FLVCR1: variants seen among roughly 807,000 people sequenced by gnomAD.
FLVCR1 encodes the protein FLVCR choline and heme transporter 1.
In FLVCR1, 34 loss-of-function variants were observed where a neutral mutation model predicts 53.6. The ratio of observed to expected loss-of-function variants is 0.63; its 90% CI spans 0.48 to 0.84. The LOEUF is 0.84. Among genes scored for constraint, FLVCR1 ranks in the 40% least tolerant of loss-of-function variants. The pLI is 0.00. For synonymous variants in FLVCR1, 300 were observed against 286.3 expected (o/e 1.05, Z -0.48); for missense variants, 677 against 696.7 (o/e 0.97, Z 0.32).
At chr1:212,895,103 A>C in intron 9 of FLVCR1, 50 bp downstream of exon 9, 4 of 1,375,812 alleles carry the variant, frequency 2.9e-6, no homozygotes, top group Non-Finnish European at 4.2e-6. Flanking sequence ...TATAGAATAA[A>C]TGTGAAACCA....
chr1:212,894,921 T>G, intron 8 of FLVCR1, 65 bp from the exon 9 acceptor site: 4 of 1,049,194 alleles, frequency 3.8e-6, no homozygotes, highest in Non-Finnish European at 6.0e-6. Flanking sequence ...AGAAAGACTT[T>G]GAGCTGCTTT....
intron 8 of FLVCR1, among the ~76,000 whole-genome samples, chr1:212,893,069 G>GA (rs972502129): frequency 6.8e-6 from 1 of 147,636 alleles, no homozygotes; most frequent in Non-Finnish European, 1.5e-5. Flanking sequence ...TTTTTTTGGG[G>GA]GGGGGTGCCG....
At chr1:212,891,007 T>TA (rs1274938611) in intron 8 of FLVCR1, among the ~76,000 whole-genome samples, 1 of 152,176 alleles carries the variant, frequency 6.6e-6, no homozygotes, top group Non-Finnish European at 1.5e-5. Context: ...AAATAAAACA[T>TA]ACAAAACTGT....
At position 212,866,988 on chromosome 1, in the gene FLVCR1, A is replaced by C. The variant is rs79875065; in HGVS notation, c.883+3119A>C. Reference sequence around the variant, plus strand: ...TGAGCAAACTTTGGATTACTTAAAAAAATCCATACCAAATAAAGTTCCTTA... The same window carrying C: ...TGAGCAAACTTTGGATTACTTAAAACAATCCATACCAAATAAAGTTCCTTA... On this transcript the variant is annotated intron_variant, in intron 2 of 9. Transcript: ENST00000366971. 2.4e-4 allele frequency among the ~76,000 whole-genome samples: 37 copies of C among 152,380 alleles called. 1 individual carries two copies. The East Asian group carries it at 7.1e-3, about 29-fold the overall frequency.
intron 6 of FLVCR1, 21 bp from the exon 7 acceptor site, chr1:212,888,468 A>G (rs1558120585): frequency 1.3e-6 from 2 of 1,542,222 alleles, no homozygotes; most frequent in Admixed American, 1.7e-5. Context: ...TCTTTCTGTA[A>G]TTCTGGATTT....
intron 8 of FLVCR1, among the ~76,000 whole-genome samples, chr1:212,891,968 A>G (rs1665205170): frequency 6.6e-6 from 1 of 152,254 alleles, no homozygotes; most frequent in Non-Finnish European, 1.5e-5. Flanking sequence ...ACCAGCCACA[A>G]CATCGCCGTA....
At chr1:212,868,311 G>A (rs77889714) in intron 2 of FLVCR1, among the ~76,000 whole-genome samples, 5,250 of 152,294 alleles carry the variant, frequency 0.034, 114 homozygotes, top group South Asian at 0.077. Flanking sequence ...TGCCCAGGCT[G>A]TTCCCAGCTT....
chr1:212,878,517 G>A, intron 3 of FLVCR1, among the ~76,000 whole-genome samples: 1 of 127,516 alleles, frequency 7.8e-6, no homozygotes, highest in South Asian at 2.8e-4. Context: ...CTGGGCGACA[G>A]AGTGAGTCTC....
chr1:212,888,695 G>GT, intron 7 of FLVCR1, 101 bp downstream of exon 7: 3 of 905,218 alleles, frequency 3.3e-6, no homozygotes, highest in South Asian at 1.4e-5. Flanking sequence ...TTGTTGTTTT[G>GT]TTTTTTGGAG....
intron 8 of FLVCR1, among the ~76,000 whole-genome samples, chr1:212,891,854 G>A (rs1279253947): frequency 6.6e-6 from 1 of 152,144 alleles, no homozygotes; most frequent in East Asian, 1.9e-4. Flanking sequence ...CTAATGCAAA[G>A]GAAAAATTCT....
Position 212,858,750 on chromosome 1 carries a change from C to T in FLVCR1, c.298C>T (p.Leu100Phe), listed in dbSNP as rs756477406. 4.3e-6 allele frequency: 7 copies of T among 1,613,276 alleles called. No homozygotes were observed. The highest frequency in any genetic ancestry group is 1.1e-5 in the South Asian group (1 of 91,046). ...GGGGGCCGAGAGCAGCCCGCTGCCCCTTACGGCGCTCTCCCCGCGGCGCTT... is the reference window on the plus strand; with the variant it reads ...GGGGGCCGAGAGCAGCCCGCTGCCCTTTACGGCGCTCTCCCCGCGGCGCTT... ...TPGAESSPLPLTALSPRRFVV... is the reference protein window; with the variant it reads ...TPGAESSPLPFTALSPRRFVV... The change falls in exon 1 of 10, where the codon CTT becomes TTT. Residue 100 changes from leucine (L) to phenylalanine (F), a missense_variant. Physicochemically the swap from Leu to Phe is conservative, Grantham distance 22. Coordinates refer to ENST00000366971, the MANE Select transcript of FLVCR1 (RefSeq NM_014053.4).
At chr1:212,894,175 C>T (rs776226118) in intron 8 of FLVCR1, among the ~76,000 whole-genome samples, 6 of 151,604 alleles carry the variant, frequency 4.0e-5, no homozygotes, top group Non-Finnish European at 8.8e-5. Context: ...ATAAACATAA[C>T]TTTTTATGCA....
chr1:212,863,449 C>G (rs1396727150), intron 1 of FLVCR1, among the ~76,000 whole-genome samples: 1 of 151,854 alleles, frequency 6.6e-6, no homozygotes, highest in African/African-American at 2.4e-5. Flanking sequence ...ATTAGCTGGG[C>G]GTTGTGGCGC....
intron 8 of FLVCR1, among the ~76,000 whole-genome samples, chr1:212,891,274 T>A (rs1277143125): frequency 1.3e-5 from 2 of 151,882 alleles, no homozygotes; most frequent in Non-Finnish European, 2.9e-5. Flanking sequence ...TAGCCAGTTT[T>A]ATGGGCACAC....
chr1:212,893,068 G>C (rs997675317), intron 8 of FLVCR1, among the ~76,000 whole-genome samples: 5 of 67,434 alleles, frequency 7.4e-5, no homozygotes, highest in African/African-American at 1.3e-4. Flanking sequence ...TTTTTTTTGG[G>C]GGGGGGTGCC....
rs1665381864 is a variant in FLVCR1, at chr1:212,897,842, T to G, written c.*2552T>G. 6.6e-6 allele frequency: 1 copy of G among 152,198 alleles called. No homozygotes were observed. The highest frequency in any genetic ancestry group is 1.5e-5 in the Non-Finnish European group (1 of 68,042). 9.4% of individuals were successfully genotyped at this position (152,198 alleles called of 1,614,324 possible). A position where few individuals can be genotyped will look rare whatever the true frequency, so the allele number is the denominator to read the frequency against. On this transcript the variant is annotated 3_prime_UTR_variant, in exon 10 of 10. Coordinates refer to ENST00000366971, the MANE Select transcript of FLVCR1 (RefSeq NM_014053.4). ...CAAACACCTTCTATTAGGGCCAACCTTCAACATTGGGGATTACATTTCAAT... is the reference window on the plus strand; with the variant it reads ...CAAACACCTTCTATTAGGGCCAACCGTCAACATTGGGGATTACATTTCAAT...
At position 212,896,887 on chromosome 1, in the gene FLVCR1, A is replaced by AAAAAAAAC; in HGVS notation, c.*1598_*1599insAAAAAACA. ...AAAAAAAAAAAAAAAAAAAAAAAAA[A>AAAAAAAAC]AGGCCAGGCGCAGTGCTGTGGCTCA... On this transcript the variant is annotated 3_prime_UTR_variant, in exon 10 of 10. Coordinates refer to ENST00000366971, the MANE Select transcript of FLVCR1 (RefSeq NM_014053.4). The AAAAAAAAC allele has an allele frequency of 7.2e-6, 1 of 138,812 alleles. No individual in the cohort carries two copies. Among genetic ancestry groups the AAAAAAAAC allele is most frequent in the Non-Finnish European group, 1.5e-5 (1 of 65,782 alleles). 8.6% of individuals were successfully genotyped at this position (138,812 alleles called of 1,614,324 possible). A position where few individuals can be genotyped will look rare whatever the true frequency, so the allele number is the denominator to read the frequency against.
intron 3 of FLVCR1, among the ~76,000 whole-genome samples, chr1:212,881,311 T>C (rs905132908): frequency 4.9e-5 from 7 of 143,220 alleles, no homozygotes; most frequent in African/African-American, 1.7e-4. Flanking sequence ...CTTTTTTTTT[T>C]TTTTTTTTGA....
At chr1:212,877,834 A>G (rs909603935) in intron 3 of FLVCR1, among the ~76,000 whole-genome samples, 5 of 152,286 alleles carry the variant, frequency 3.3e-5, no homozygotes, top group African/African-American at 9.6e-5. Context: ...ATCCTTAAGA[A>G]TCAATAAGAA....
Sources: gnomAD v4.1 joint callset for allele counts (sites outside exome capture counted in the v4.1 genomes callset) on GRCh38, gnomAD v4.1.1 for gene constraint, MANE v1.5 for transcripts, NCBI Gene and HGNC (gene_info 2026-07-23, HGNC 2026-07-21) for gene names.